The following RBFOX1 variants were observed in gnomAD, a reference collection of about 807,000 sequenced individuals.
RBFOX1 encodes the protein RNA binding fox-1 homolog 1.
A neutral mutation model predicts 57.7 loss-of-function variants in RBFOX1; 8 were observed. The observed-to-expected ratio is 0.14, with a 90% confidence interval of 0.08 to 0.25. The LOEUF is 0.25. RBFOX1 is among the 10% of genes least tolerant of loss of function. RBFOX1 has a pLI of 1.00. For synonymous variants in RBFOX1, 326 were observed against 222.4 expected (o/e 1.47, Z -4.15); for missense variants, 611 against 548.5 (o/e 1.11, Z -1.14).
At chr16:5,828,672 C>G (rs2056160666) in intron 3 of RBFOX1, among the ~76,000 whole-genome samples, 3 of 151,922 alleles carry the variant, frequency 2.0e-5, no homozygotes, top group Non-Finnish European at 1.5e-5. Context: ...GCAGTCCAGC[C>G]TGGTGAGCGA....
chr16:5,803,109 G>A (rs1172155974), intron 3 of RBFOX1, among the ~76,000 whole-genome samples: 4 of 152,108 alleles, frequency 2.6e-5, no homozygotes, highest in Admixed American at 6.5e-5. Flanking sequence ...GGTTGGATGG[G>A]ACTATAGTCA....
chr16:6,351,769 A>C (rs2086447415), intron 2 of RBFOX1, among the ~76,000 whole-genome samples: 1 of 152,182 alleles, frequency 6.6e-6, no homozygotes, highest in Admixed American at 6.5e-5. Context: ...TCATATATTA[A>C]ATACATGTTA....
intron 4 of RBFOX1, among the ~76,000 whole-genome samples, chr16:5,884,320 G>A (rs1185750575): frequency 6.6e-6 from 1 of 152,130 alleles, no homozygotes; most frequent in South Asian, 2.1e-4. Context: ...TAAGGTGGGT[G>A]ATTAAAAAAT....
intron 1 of RBFOX1, among the ~76,000 whole-genome samples, chr16:6,227,981 C>G (rs1419725064): frequency 2.6e-5 from 4 of 152,162 alleles, no homozygotes; most frequent in Admixed American, 1.3e-4. Flanking sequence ...GGAGAGATGT[C>G]TGCACTCCTG....
At chr16:6,815,713 C>A (rs962598338) in intron 3 of RBFOX1, among the ~76,000 whole-genome samples, 1 of 152,156 alleles carries the variant, frequency 6.6e-6, no homozygotes, top group Non-Finnish European at 1.5e-5. Flanking sequence ...ACACACTTAA[C>A]CATTACCCAC....
At chr16:7,335,584 G>GA (rs959362612) in intron 4 of RBFOX1, among the ~76,000 whole-genome samples, 1,776 of 74,176 alleles carry the variant, frequency 0.024, 34 homozygotes, top group African/African-American at 0.086. Flanking sequence ...CTCAGATAAA[G>GA]AAAAAAAAAA....
At chr16:6,469,497 G>A (rs576594520) in intron 2 of RBFOX1, among the ~76,000 whole-genome samples, 2 of 152,248 alleles carry the variant, frequency 1.3e-5, no homozygotes, top group East Asian at 1.9e-4. Flanking sequence ...TGCACTATGC[G>A]AAAAAGAGTT....
At chr16:5,446,384 C>G (rs1334494768) in intron 1 of RBFOX1, among the ~76,000 whole-genome samples, 1 of 152,176 alleles carries the variant, frequency 6.6e-6, no homozygotes, top group Non-Finnish European at 1.5e-5. Context: ...TAGATTCAAA[C>G]ATGCTCACTG....
intron 3 of RBFOX1, among the ~76,000 whole-genome samples, chr16:6,786,165 C>T (rs1362778682): frequency 6.6e-6 from 1 of 152,076 alleles, no homozygotes; most frequent in African/African-American, 2.4e-5. Context: ...GGGGGCCAGG[C>T]GAAGATTCCC....
intron 2 of RBFOX1, among the ~76,000 whole-genome samples, chr16:6,405,674 A>G (rs1241318588): frequency 6.6e-6 from 1 of 152,194 alleles, no homozygotes; most frequent in Non-Finnish European, 1.5e-5. Context: ...CATAATATCT[A>G]ACACAAGGGT....
At chr16:6,726,355 A>T (rs1027416199) in intron 3 of RBFOX1, among the ~76,000 whole-genome samples, 2 of 151,730 alleles carry the variant, frequency 1.3e-5, no homozygotes, top group African/African-American at 4.8e-5. Context: ...AAATTTTTGC[A>T]TTTGTAAAAA....
chr16:6,978,174 G>A (rs1454672508), intron 3 of RBFOX1, among the ~76,000 whole-genome samples: 1 of 152,098 alleles, frequency 6.6e-6, no homozygotes, highest in African/African-American at 2.4e-5. Flanking sequence ...GGCAGTGGAG[G>A]TAATTAGCCA....
intron 4 of RBFOX1, among the ~76,000 whole-genome samples, chr16:7,300,334 A>T (rs765820149): frequency 1.3e-5 from 2 of 152,198 alleles, no homozygotes; most frequent in African/African-American, 2.4e-5. Flanking sequence ...GCACTAACTA[A>T]ATATGATTCA....
intron 1 of RBFOX1, among the ~76,000 whole-genome samples, chr16:5,338,028 A>T (rs1567353001): frequency 6.6e-6 from 1 of 152,174 alleles, no homozygotes; most frequent in South Asian, 2.1e-4. Flanking sequence ...TGGACAACAA[A>T]GTGAGTCCTT....
At chr16:6,480,360 G>C (rs1295327105) in intron 2 of RBFOX1, among the ~76,000 whole-genome samples, 1 of 152,176 alleles carries the variant, frequency 6.6e-6, no homozygotes, top group Non-Finnish European at 1.5e-5. Flanking sequence ...GTCTCTCACA[G>C]ACACTAAACT....
At chr16:6,168,536 T>C (rs1309530021) in intron 1 of RBFOX1, among the ~76,000 whole-genome samples, 3 of 152,170 alleles carry the variant, frequency 2.0e-5, no homozygotes, top group Non-Finnish European at 4.4e-5. Context: ...GTTTTGATCA[T>C]TACCGATTAT....
At position 7,228,611 on chromosome 16, in the gene RBFOX1, T is replaced by C. The variant is rs115038591; in HGVS notation, c.27+176513T>C. Among the ~76,000 whole-genome samples the C allele has an allele frequency of 3.2e-3, 482 of 152,310 alleles. 8 individuals carry two copies. The highest frequency in any genetic ancestry group is 0.011 in the African/African-American group (455 of 41,572). On this transcript the variant is annotated intron_variant, in intron 4 of 15. Coordinates refer to ENST00000550418, the MANE Select transcript of RBFOX1 (RefSeq NM_018723.4). ...AGCCGTAAGGGAGTAGAGACCTGAT[T>C]CAAATCTTGGGCTAGAAGGATTCTC...
intron 1 of RBFOX1, among the ~76,000 whole-genome samples, chr16:6,288,177 T>C (rs2077086551): frequency 6.6e-6 from 1 of 152,190 alleles, no homozygotes; most frequent in African/African-American, 2.4e-5. Context: ...TGTATCTCTA[T>C]GTTGTTGAAA....
At chr16:7,041,265 C>T (rs1448355590) in intron 3 of RBFOX1, among the ~76,000 whole-genome samples, 1 of 151,914 alleles carries the variant, frequency 6.6e-6, no homozygotes, top group East Asian at 1.9e-4. Context: ...AACACAGTGG[C>T]ACCCATTTGT....
Sources: gnomAD v4.1 joint callset for allele counts (sites outside exome capture counted in the v4.1 genomes callset) on GRCh38, gnomAD v4.1.1 for gene constraint, MANE v1.5 for transcripts, NCBI Gene and HGNC (gene_info 2026-07-23, HGNC 2026-07-21) for gene names.